The following PCDHA8 variants were observed in gnomAD, a reference collection of about 807,000 sequenced individuals.
PCDHA8 encodes protocadherin alpha-8.
In PCDHA8, 53 loss-of-function variants were observed where a neutral mutation model predicts 61.8. The ratio of observed to expected loss-of-function variants is 0.86; its 90% CI spans 0.69 to 1.08. The LOEUF (loss-of-function observed/expected upper bound fraction) is 1.08, where lower values mean the gene tolerates loss of function less well. PCDHA8 is among the 50% of genes least tolerant of loss of function. The pLI, the probability that PCDHA8 is intolerant of heterozygous loss-of-function variation, is 0.00. For missense variants in PCDHA8, 1,293 were observed against 1,245.0 expected (o/e 1.04, Z -0.58); for synonymous variants, 618 against 556.6 (o/e 1.11, Z -1.55).
At chr5:140,857,178 A>T (rs782349051) in intron 1 of PCDHA8, 2 of 1,598,472 alleles carry the variant, frequency 1.3e-6, no homozygotes, top group African/African-American at 2.7e-5. Flanking sequence ...TCTGACCATG[A>T]TTCAGGAGCC....
At chr5:140,924,894 C>CAA (rs782133089) in intron 1 of PCDHA8, among the ~76,000 whole-genome samples, 44 of 71,514 alleles carry the variant, frequency 6.2e-4, no homozygotes, top group African/African-American at 1.3e-3. Flanking sequence ...GAACCTGTCT[C>CAA]AAAAAAAAAA....
intron 1 of PCDHA8, among the ~76,000 whole-genome samples, chr5:140,974,980 G>C (rs149148015): frequency 6.6e-6 from 1 of 152,090 alleles, no homozygotes; most frequent in African/African-American, 2.4e-5. Flanking sequence ...TGAGTTGTCC[G>C]CTCAGGTATT....
chr5:140,995,674 A>AT (rs1240189428), intron 3 of PCDHA8, among the ~76,000 whole-genome samples: 2 of 152,112 alleles, frequency 1.3e-5, no homozygotes, highest in South Asian at 2.1e-4. Context: ...TAAATGCAGC[A>AT]TTTTTTTTAA....
At chr5:140,863,231 C>A in intron 1 of PCDHA8, 2 of 1,227,658 alleles carry the variant, frequency 1.6e-6, no homozygotes, top group Non-Finnish European at 2.3e-6. Context: ...AAGGTCCCAT[C>A]GCGGGCTTTG....
chr5:140,871,060 C>T (rs782751973), intron 1 of PCDHA8: 4 of 1,613,210 alleles, frequency 2.5e-6, no homozygotes, highest in Non-Finnish European at 3.4e-6. Context: ...GGTGAAGGAT[C>T]ACGGTGAGCC....
intron 1 of PCDHA8, chr5:140,876,539 C>G: frequency 6.2e-7 from 1 of 1,614,170 alleles, no homozygotes; most frequent in Non-Finnish European, 8.5e-7. Flanking sequence ...ACTTCACTGT[C>G]GCTCCCTGTG....
intron 1 of PCDHA8, among the ~76,000 whole-genome samples, chr5:140,879,020 TATTG>T (rs1366518511): frequency 6.6e-6 from 1 of 152,230 alleles, no homozygotes; most frequent in African/African-American, 2.4e-5. Context: ...GATAATGTTT[TATTG>T]AAGAGTGTCT....
chr5:140,855,966 T>G (rs1554148056), intron 1 of PCDHA8: 7 of 1,422,780 alleles, frequency 4.9e-6, no homozygotes, highest in Non-Finnish European at 2.9e-6. Flanking sequence ...AAAATAGATA[T>G]AAGAAATAGG....
chr5:140,869,541 G>A (rs1554163213), intron 1 of PCDHA8: 1 of 1,614,204 alleles, frequency 6.2e-7, no homozygotes, highest in East Asian at 2.2e-5. Flanking sequence ...CGGAATCTAA[G>A]CAATCGGACT....
In PCDHA8 at chr5:140,849,698, C is replaced by G. The variant is rs2150445577; in HGVS notation, c.2394+5983C>G. 4 of 1,598,548 alleles carry G rather than the reference C, an allele frequency of 2.5e-6. No individual in the cohort carries two copies. In the South Asian group the frequency reaches 3.3e-5, roughly 13 times the overall value. The stretch of plus-strand genomic sequence containing the variant: ...TCCCCTTCAAGCTGGTGTCCACCTA[C>G]AAGAATTACTACTCGTTGGTGCTGG... On this transcript the variant is annotated intron_variant, in intron 1 of 3. Transcript: ENST00000531613.
intron 1 of PCDHA8, among the ~76,000 whole-genome samples, chr5:140,941,202 C>CTTTCCTT (rs1554213921): frequency 5.7e-5 from 7 of 122,742 alleles, no homozygotes; most frequent in Admixed American, 1.7e-4. Flanking sequence ...TTTCTTTCTT[C>CTTTCCTT]CTTTCTTTCT....
chr5:140,886,251 T>A (rs189086759), intron 1 of PCDHA8, among the ~76,000 whole-genome samples: 397 of 152,156 alleles, frequency 2.6e-3, no homozygotes, highest in Non-Finnish European at 4.1e-3. Flanking sequence ...AATAAAAGTA[T>A]CTCTATTTAT....
chr5:140,844,241 C>T (rs1267423212), intron 1 of PCDHA8, among the ~76,000 whole-genome samples: 3 of 149,082 alleles, frequency 2.0e-5, no homozygotes, highest in African/African-American at 7.4e-5. Flanking sequence ...TCACTATTGC[C>T]GTTTTAAGCA....
At chr5:140,970,408 A>G (rs1292683019) in intron 1 of PCDHA8, among the ~76,000 whole-genome samples, 1 of 152,202 alleles carries the variant, frequency 6.6e-6, no homozygotes, top group Admixed American at 6.5e-5. Context: ...GGCTTACCCT[A>G]CAGTAAGGTG....
chr5:140,950,087 T>G (rs1433717313), intron 1 of PCDHA8, among the ~76,000 whole-genome samples: 3 of 151,938 alleles, frequency 2.0e-5, no homozygotes, highest in Admixed American at 6.6e-5. Flanking sequence ...ATGCTATAGT[T>G]TTCATTTGTA....
intron 3 of PCDHA8, among the ~76,000 whole-genome samples, chr5:141,005,512 G>C (rs1015892170): frequency 6.6e-6 from 1 of 151,536 alleles, no homozygotes; most frequent in Non-Finnish European, 1.5e-5. Flanking sequence ...GACCATCCTG[G>C]CTAACACGGT....
intron 1 of PCDHA8, among the ~76,000 whole-genome samples, chr5:140,887,179 C>A (rs984497356): frequency 6.6e-6 from 1 of 151,850 alleles, no homozygotes; most frequent in Non-Finnish European, 1.5e-5. Context: ...TCACTGCAAG[C>A]TCCACCTCCC....
intron 1 of PCDHA8, among the ~76,000 whole-genome samples, chr5:140,893,701 C>A (rs1297465606): frequency 6.6e-6 from 1 of 152,104 alleles, no homozygotes; most frequent in African/African-American, 2.4e-5. Context: ...TCTATCCTAG[C>A]CTGTAAAGCT....
intron 1 of PCDHA8, chr5:140,865,952 T>C (rs2049067031): frequency 6.6e-6 from 1 of 152,220 alleles, no homozygotes; most frequent in Non-Finnish European, 1.5e-5. Context: ...GTCTTCATCA[T>C]TAATTTTGTA....
Sources: gnomAD v4.1 joint callset for allele counts (sites outside exome capture counted in the v4.1 genomes callset) on GRCh38, gnomAD v4.1.1 for gene constraint, MANE v1.5 for transcripts, NCBI Gene and HGNC (gene_info 2026-07-23, HGNC 2026-07-21) for gene names.